SLC7A14: variants seen among roughly 807,000 people sequenced by gnomAD.
SLC7A14 encodes the protein solute carrier family 7 member 14, also known as gamma-aminobutyric acid transporter SLC7A14.
SLC7A14 carries 37 observed loss-of-function variants against 60.2 expected under a neutral mutation model. The observed-to-expected ratio is 0.61, with a 90% confidence interval of 0.47 to 0.81. The LOEUF (loss-of-function observed/expected upper bound fraction) is 0.81, where lower values mean the gene tolerates loss of function less well. Among genes scored for constraint, SLC7A14 ranks in the 30% least tolerant of loss-of-function variants. The pLI, the probability that SLC7A14 is intolerant of heterozygous loss-of-function variation, is 0.00. For synonymous variants in SLC7A14, 399 were observed against 395.8 expected (o/e 1.01, Z -0.10); for missense variants, 886 against 982.7 (o/e 0.90, Z 1.32).
At chr3:170,508,037 G>A (rs980220426) in intron 2 of SLC7A14, among the ~76,000 whole-genome samples, 1 of 152,184 alleles carries the variant, frequency 6.6e-6, no homozygotes, top group Non-Finnish European at 1.5e-5. Flanking sequence ...CAGAGTTTGG[G>A]CTAGACCTGA....
intron 5 of SLC7A14, among the ~76,000 whole-genome samples, chr3:170,484,938 A>T (rs1380317836): frequency 2.0e-5 from 3 of 152,156 alleles, no homozygotes; most frequent in Admixed American, 6.5e-5. Context: ...GGTGGATCAT[A>T]GAAGTACTCT....
In SLC7A14 at chr3:170,461,647, C is replaced by T. The variant is rs1235969673; in HGVS notation, c.*5408G>A. The stretch of plus-strand genomic sequence containing the variant: ...TTCTGGTTCCTGCGTGTGGTGGGGC[C>T]TGCGGTTTGGGATGCTGTTTCTGCA... On this transcript the variant is annotated 3_prime_UTR_variant, in exon 8 of 8. Coordinates refer to ENST00000231706, the MANE Select transcript of SLC7A14 (RefSeq NM_020949.3). 1 of 152,254 alleles carries T rather than the reference C, an allele frequency of 6.6e-6. No homozygotes were observed. Among genetic ancestry groups the T allele is most frequent in the East Asian group, 1.9e-4 (1 of 5,190 alleles). 9.4% of individuals were successfully genotyped at this position (152,254 alleles called of 1,614,324 possible).
At chr3:170,578,695 G>A (rs902731179) in intron 1 of SLC7A14, among the ~76,000 whole-genome samples, 2 of 152,136 alleles carry the variant, frequency 1.3e-5, no homozygotes, top group African/African-American at 2.4e-5. Flanking sequence ...CAGAACTTCT[G>A]ATAAATAATG....
At position 170,460,455 on chromosome 3, in the gene SLC7A14, G is replaced by C. The variant is rs1739573145; in HGVS notation, c.*6600C>G. The C allele has an allele frequency of 6.6e-6, 1 of 152,168 alleles. No homozygotes were observed. Among genetic ancestry groups the C allele is most frequent in the Non-Finnish European group, 1.5e-5 (1 of 68,034 alleles). The allele number at this position is 152,168 out of a possible 1,614,324, so 9.4% of individuals were successfully genotyped here. A position where few individuals can be genotyped will look rare whatever the true frequency, so the allele number is the denominator to read the frequency against. On this transcript the variant is annotated 3_prime_UTR_variant, in exon 8 of 8. Coordinates refer to ENST00000231706, the MANE Select transcript of SLC7A14 (RefSeq NM_020949.3). ...TAACATTAACAGCATCTTTGCTTTG[G>C]AAAGTGGGGGTTTATGATTTCTAGG...
rs1713796769 is a variant in SLC7A14, at chr3:170,535,036, G to A, written c.-152-7948C>T. On this transcript the variant is annotated intron_variant, in intron 1 of 7. Coordinates refer to ENST00000231706, the MANE Select transcript of SLC7A14 (RefSeq NM_020949.3). The surrounding 1 kb of genome is among the most constrained non-coding windows in gnomAD (Gnocchi z 4.3). The stretch of plus-strand genomic sequence containing the variant: ...GTTTCTCCTTCGATGCCCCAGTCAG[G>A]GAGGGTATCACAGTTTGACATCACC... Among the ~76,000 whole-genome samples the A allele has an allele frequency of 6.6e-6, 1 of 152,132 alleles. No homozygotes were observed. Among genetic ancestry groups the A allele is most frequent in the Non-Finnish European group, 1.5e-5 (1 of 68,038 alleles).
intron 2 of SLC7A14, among the ~76,000 whole-genome samples, chr3:170,526,271 G>A (rs948448106): frequency 5.3e-5 from 8 of 150,842 alleles, no homozygotes; most frequent in Non-Finnish European, 7.4e-5. Flanking sequence ...GCGTGGTGGC[G>A]GGCGCCTATA....
At chr3:170,487,833 T>C (rs966626795) in intron 4 of SLC7A14, among the ~76,000 whole-genome samples, 3 of 152,196 alleles carry the variant, frequency 2.0e-5, no homozygotes, top group African/African-American at 7.2e-5. Context: ...TTTCACTACC[T>C]TCTAGTTGAA....
chr3:170,553,732 T>G (rs1012992595), intron 1 of SLC7A14, among the ~76,000 whole-genome samples: 1 of 152,210 alleles, frequency 6.6e-6, no homozygotes, highest in Non-Finnish European at 1.5e-5. Context: ...AGAATAGATT[T>G]GTCTGAATTG....
chr3:170,555,783 G>A (rs1714470745), intron 1 of SLC7A14, among the ~76,000 whole-genome samples: 2 of 152,124 alleles, frequency 1.3e-5, no homozygotes, highest in African/African-American at 4.8e-5. Context: ...GTAGTTTGTT[G>A]ACTCAAACAC....
chr3:170,503,413 CTGA>C (rs1240742667), intron 2 of SLC7A14, among the ~76,000 whole-genome samples: 4 of 152,042 alleles, frequency 2.6e-5, no homozygotes, highest in Non-Finnish European at 5.9e-5. Context: ...ATACAAGAAC[CTGA>C]TGATATTTTC....
In SLC7A14 at chr3:170,480,559, G is replaced by A; in HGVS notation, c.1723C>T (p.Leu575Phe). The A allele has an allele frequency of 6.2e-7, 1 of 1,614,250 alleles. No individual in the cohort carries two copies. The highest frequency in any genetic ancestry group is 2.2e-5 in the East Asian group (1 of 44,884). The change falls in exon 7 of 8, where the codon CTC becomes TTC. Residue 575 changes from leucine (L) to phenylalanine (F), a missense_variant. Coordinates refer to ENST00000231706, the MANE Select transcript of SLC7A14 (RefSeq NM_020949.3). The stretch of plus-strand genomic sequence containing the variant: ...ATGAAGGAGCAGAAGATGAACATGA[G>A]GATGAAGAGCAGGAGCACGCAGATG... ...VTICVLLLFI[L>F]MFIFCSFIIF...
chr3:170,548,632 C>T (rs912445152), intron 1 of SLC7A14, among the ~76,000 whole-genome samples: 1 of 152,220 alleles, frequency 6.6e-6, no homozygotes, highest in Non-Finnish European at 1.5e-5. Context: ...ACAGATGCAG[C>T]TCCTCAGGCT....
chr3:170,536,575 A>G lies in SLC7A14; in HGVS notation c.-152-9487T>C, dbSNP rs183349461. ...TCCAAAATTAACACTGAAAAGTGAG[A>G]GCACACTATCATACCATGAATATAG... On this transcript the variant is annotated intron_variant, in intron 1 of 7. Transcript: ENST00000231706. Among the ~76,000 whole-genome samples, 512 of 152,356 alleles carry G rather than the reference A, an allele frequency of 3.4e-3. 3 individuals are homozygous for G. Among genetic ancestry groups the G allele is most frequent in the African/African-American group, 0.012 (486 of 41,582 alleles).
In SLC7A14 at chr3:170,498,699, C is replaced by T; in HGVS notation, c.727G>A (p.Glu243Lys). The T allele has an allele frequency of 6.2e-7, 1 of 1,614,160 alleles. No individual in the cohort carries two copies. The highest frequency in any genetic ancestry group is 1.3e-5 in the African/African-American group (1 of 75,048). The change falls in exon 4 of 8, where the codon GAG (glutamate) becomes AAG (lysine). Residue 243 changes from glutamate to lysine, a missense_variant. By Grantham distance (56) the Glu-to-Lys change is moderately conservative. Coordinates refer to ENST00000231706, the MANE Select transcript of SLC7A14 (RefSeq NM_020949.3). ...LFFINGKYWA[E>K]GQFLPHGWSG... Reference sequence around the variant, plus strand: ...CAGCCGTGGGGCAAGAACTGGCCCTCCGCCCAGTATTTCCCATTGATGAAG... The same window carrying T: ...CAGCCGTGGGGCAAGAACTGGCCCTTCGCCCAGTATTTCCCATTGATGAAG...
chr3:170,524,864 TA>T (rs1209786027), intron 2 of SLC7A14, among the ~76,000 whole-genome samples: 1 of 152,156 alleles, frequency 6.6e-6, no homozygotes, highest in African/African-American at 2.4e-5. Context: ...GGATAAATGG[TA>T]AAACCAACAG....
chr3:170,481,907 C>T (rs1473913524), intron 6 of SLC7A14, among the ~76,000 whole-genome samples: 1 of 152,150 alleles, frequency 6.6e-6, no homozygotes, highest in East Asian at 1.9e-4. Context: ...TCTCTTGGAG[C>T]TTGTTAGAAA....
intron 2 of SLC7A14, among the ~76,000 whole-genome samples, chr3:170,525,051 G>A (rs1202601336): frequency 6.6e-6 from 1 of 152,154 alleles, no homozygotes; most frequent in Non-Finnish European, 1.5e-5. Flanking sequence ...CTTTTCTTAT[G>A]ATAGCACGCA....
intron 5 of SLC7A14, among the ~76,000 whole-genome samples, chr3:170,485,555 A>G (rs1303730508): frequency 6.6e-6 from 1 of 152,084 alleles, no homozygotes; most frequent in Non-Finnish European, 1.5e-5. Context: ...CTGTGATAGA[A>G]ATTCTGGGAT....
intron 1 of SLC7A14, among the ~76,000 whole-genome samples, chr3:170,571,890 C>T (rs948630935): frequency 1.3e-5 from 2 of 151,772 alleles, no homozygotes; most frequent in Non-Finnish European, 2.9e-5. Context: ...GAAACCCCAT[C>T]TCTACTAAAA....
Sources: allele counts gnomAD v4.1 joint callset (sites outside exome capture counted in the v4.1 genomes callset), GRCh38; gene constraint gnomAD v4.1.1; non-coding constraint Gnocchi (gnomAD v3.1); transcripts MANE v1.5; gene names NCBI Gene and HGNC (gene_info 2026-07-23, HGNC 2026-07-21).